The following ZNF469 variants were observed in gnomAD, a reference collection of about 807,000 sequenced individuals.
ZNF469 encodes the protein zinc finger protein 469.
In ZNF469, 1 loss-of-function variant was observed where a neutral mutation model predicts 1.0. The observed-to-expected ratio is 1.00, with a 90% CI of 0.35 to 4.73. The LOEUF (loss-of-function observed/expected upper bound fraction) is 4.73. Among genes scored for constraint, ZNF469 ranks in the 30% most tolerant of loss-of-function variants. The pLI is 0.16. For missense variants in ZNF469, 6,100 were observed against 5,356.3 expected (o/e 1.14, Z -4.33); for synonymous variants, 2,703 against 2,363.4 (o/e 1.14, Z -4.17).
At chr16:88,239,462 T>C in the ZNF469 span, among the ~76,000 whole-genome samples, 2 of 149,924 alleles carry the variant, frequency 1.3e-5, no homozygotes, top group East Asian at 2.0e-4. Flanking sequence ...CAGGAATGGG[T>C]CTGAGTGCGA....
chr16:88,107,053 C>T, the ZNF469 span, among the ~76,000 whole-genome samples: 1 of 152,208 alleles, frequency 6.6e-6, no homozygotes, highest in Non-Finnish European at 1.5e-5. Flanking sequence ...GGCGTGCTGG[C>T]AGGCGGGCGG....
Position 88,433,609 on chromosome 16 carries a change from A to T in ZNF469, c.6139A>T (p.Ser2047Cys), listed in dbSNP as rs542373398. ...ATGCAAGGGAAGCAGGGCAGCCATG[A>T]GCCTTCAGGAGGAGGCCGAGCCCAC... ...EKCKGSRAAMSLQEEAEPTPS... is the reference protein window; with the variant it reads ...EKCKGSRAAMCLQEEAEPTPS... Residue 2047 changes from serine (S) to cysteine (C), a missense_variant, in exon 3 of 3, where the codon AGC (serine) becomes TGC (cysteine). Physicochemically the swap from Ser to Cys is moderately radical, Grantham distance 112 (BLOSUM62 -1). Transcript: ENST00000565624. The T allele has an allele frequency of 6.5e-7, 1 of 1,550,292 alleles. No homozygotes were observed. Among genetic ancestry groups the T allele is most frequent in the South Asian group, 1.2e-5 (1 of 84,062 alleles).
chr16:88,361,591 C>T, the ZNF469 span, among the ~76,000 whole-genome samples: 1 of 151,504 alleles, frequency 6.6e-6, no homozygotes, highest in Non-Finnish European at 1.5e-5. Flanking sequence ...TCTTTATATG[C>T]CCTGGATACA....
intron 1 of ZNF469, among the ~76,000 whole-genome samples, chr16:88,403,794 TGGG>T (rs1904950044): frequency 6.6e-6 from 1 of 152,226 alleles, no homozygotes; most frequent in African/African-American, 2.4e-5. Flanking sequence ...GGCCAAGCCC[TGGG>T]CCTGTCTGGA....
chr16:88,174,881 C>T, the ZNF469 span, among the ~76,000 whole-genome samples: 1 of 152,140 alleles, frequency 6.6e-6, no homozygotes, highest in Non-Finnish European at 1.5e-5. Context: ...AAGTTATTTG[C>T]AGATTTCCAA....
chr16:88,330,410 C>G, the ZNF469 span, among the ~76,000 whole-genome samples: 5 of 152,258 alleles, frequency 3.3e-5, no homozygotes, highest in Non-Finnish European at 5.9e-5. Flanking sequence ...AAGTCATGCC[C>G]ATTCAGGCTC....
chr16:88,256,208 C>A, the ZNF469 span, among the ~76,000 whole-genome samples: 1 of 152,184 alleles, frequency 6.6e-6, no homozygotes, highest in East Asian at 1.9e-4. Flanking sequence ...CCTGCCTGTT[C>A]ATCTCACCCT....
chr16:88,197,955 C>G, the ZNF469 span, among the ~76,000 whole-genome samples: 2 of 152,238 alleles, frequency 1.3e-5, no homozygotes, highest in African/African-American at 2.4e-5. Context: ...GTGCCCACAA[C>G]CCTCTACTCA....
At chr16:88,331,566 TCACCACCACCAC>T in the ZNF469 span, among the ~76,000 whole-genome samples, 2 of 145,924 alleles carry the variant, frequency 1.4e-5, no homozygotes, top group Non-Finnish European at 3.0e-5. Flanking sequence ...GTCATCACCA[TCACCACCACCAC>T]CACCACCACC....
At chr16:88,250,249 C>T in the ZNF469 span, among the ~76,000 whole-genome samples, 1 of 152,194 alleles carries the variant, frequency 6.6e-6, no homozygotes, top group African/African-American at 2.4e-5. Flanking sequence ...CCATTTTCAC[C>T]TCTATCACCT....
the ZNF469 span, among the ~76,000 whole-genome samples, chr16:88,186,533 G>T: frequency 2.0e-5 from 3 of 152,174 alleles, no homozygotes; most frequent in African/African-American, 7.2e-5. Flanking sequence ...TCAGCCCCAG[G>T]GTTTTCCGAC....
chr16:88,168,255 T>C, the ZNF469 span, among the ~76,000 whole-genome samples: 1 of 152,156 alleles, frequency 6.6e-6, no homozygotes, highest in African/African-American at 2.4e-5. This position sits in a 1 kb window ranked among gnomAD's most constrained non-coding sequence, Gnocchi z 4.3. Context: ...GTCTGAGGGG[T>C]ACTGAACTTG....
chr16:88,431,398 G>GC lies in ZNF469; in HGVS notation c.3932dup (p.Val1312SerfsTer22). 6.5e-7 allele frequency: 1 copy of GC among 1,550,200 alleles called. No individual in the cohort carries two copies. The highest frequency in any genetic ancestry group is 8.7e-7 in the Non-Finnish European group (1 of 1,146,966). ...GCTGGGTGGTCCTGGGGGCACACAG[G>GC]CCCCAGTCTCCCACAACAGCAAGGA... On this transcript the variant is annotated frameshift_variant, in exon 3 of 3. Coordinates refer to ENST00000565624, the MANE Select transcript of ZNF469 (RefSeq NM_001367624.2). LOFTEE classifies it low-confidence loss of function (END_TRUNC).
the ZNF469 span, among the ~76,000 whole-genome samples, chr16:88,234,449 G>A: frequency 1.3e-5 from 2 of 152,226 alleles, no homozygotes; most frequent in African/African-American, 2.4e-5. Context: ...CGCTGAGGAC[G>A]AAGCCAGGGA....
chr16:88,181,226 A>G, the ZNF469 span, among the ~76,000 whole-genome samples: 1 of 152,114 alleles, frequency 6.6e-6, no homozygotes, highest in Non-Finnish European at 1.5e-5. Flanking sequence ...GCCCGCCACC[A>G]CGCCTGGCTA....
At chr16:88,392,725 C>T (rs1219847345) in intron 1 of ZNF469, among the ~76,000 whole-genome samples, 2 of 152,252 alleles carry the variant, frequency 1.3e-5, no homozygotes, top group South Asian at 2.1e-4. Flanking sequence ...TCCTTGCTCA[C>T]CACCAGACCA....
the ZNF469 span, among the ~76,000 whole-genome samples, chr16:88,221,564 T>G: frequency 2.0e-5 from 3 of 152,226 alleles, no homozygotes; most frequent in African/African-American, 7.2e-5. Context: ...TGGCTGCTCC[T>G]TGCCCCGGCT....
chr16:88,233,264 C>T, the ZNF469 span, among the ~76,000 whole-genome samples: 1 of 152,318 alleles, frequency 6.6e-6, no homozygotes, highest in East Asian at 1.9e-4. Flanking sequence ...TGTGTGTAGC[C>T]TCGTTTCTGC....
chr16:88,294,096 T>A, the ZNF469 span, among the ~76,000 whole-genome samples: 227 of 152,278 alleles, frequency 1.5e-3, no homozygotes, highest in African/African-American at 5.1e-3. Flanking sequence ...GATGTGAGGG[T>A]TATCTTCCTA....
Sources: allele counts gnomAD v4.1 joint callset (sites outside exome capture counted in the v4.1 genomes callset), GRCh38; gene constraint gnomAD v4.1.1; non-coding constraint Gnocchi (gnomAD v3.1); transcripts MANE v1.5; gene names NCBI Gene and HGNC (gene_info 2026-07-23, HGNC 2026-07-21).